C8orf34: variants seen among roughly 807,000 people sequenced by gnomAD.
C8orf34 encodes uncharacterized protein C8orf34.
In C8orf34, 65 loss-of-function variants were observed where a neutral mutation model predicts 68.3. The ratio of observed to expected loss-of-function variants is 0.95; its 90% CI spans 0.78 to 1.17. The LOEUF is 1.17. C8orf34 is among the 50% of genes most tolerant of loss of function. C8orf34 has a pLI of 0.00. For synonymous variants in C8orf34, 244 were observed against 241.2 expected, an observed-to-expected ratio of 1.01 and a Z score of -0.11; for missense variants, 664 against 655.4, an observed-to-expected ratio of 1.01 and a Z score of -0.14.
chr8:68,501,111 T>C (rs2380467), intron 5 of C8orf34, among the ~76,000 whole-genome samples: 47,749 of 152,038 alleles, frequency 0.31, 8,996 homozygotes, highest in Non-Finnish European at 0.43. Flanking sequence ...CTGTGGTCTC[T>C]CCTAAGAGTA....
intron 2 of C8orf34, among the ~76,000 whole-genome samples, chr8:68,440,545 G>A (rs576476321): frequency 1.7e-4 from 26 of 152,120 alleles, no homozygotes; most frequent in Non-Finnish European, 3.7e-4. Context: ...AAAGTTATTT[G>A]CGTCATATAG....
At chr8:68,679,788 G>A (rs529948239) in intron 8 of C8orf34, among the ~76,000 whole-genome samples, 5 of 152,194 alleles carry the variant, frequency 3.3e-5, no homozygotes, top group African/African-American at 1.2e-4. Context: ...CATTTAAAGT[G>A]AACTCGTTTT....
At chr8:68,479,586 G>T (rs923763876) in intron 4 of C8orf34, among the ~76,000 whole-genome samples, 8 of 152,126 alleles carry the variant, frequency 5.3e-5, no homozygotes, top group Non-Finnish European at 8.8e-5. Context: ...TGGGGATGGA[G>T]CCAAAAAAAC....
chr8:68,413,096 A>C (rs2676631), intron 1 of C8orf34, among the ~76,000 whole-genome samples: 151,707 of 152,310 alleles, frequency 1, 75,563 homozygotes, highest in Middle Eastern at 1. Flanking sequence ...ACCTACTATA[A>C]CAACTTGTCT....
intron 8 of C8orf34, among the ~76,000 whole-genome samples, chr8:68,657,942 T>C (rs1007016433): frequency 1.3e-5 from 2 of 152,186 alleles, no homozygotes; most frequent in South Asian, 4.1e-4. Context: ...TCTACTCTGA[T>C]GGTTTTAAAT....
In C8orf34 at chr8:68,622,949, T is replaced by C. The variant is rs1586467213; in HGVS notation, c.1106-17427T>C. Reference sequence around the variant, plus strand: ...TGTGATGGGGTATCTGATGAAATACTGGACTGGTGTTATGGTAAAAGCAGA... The same window carrying C: ...TGTGATGGGGTATCTGATGAAATACCGGACTGGTGTTATGGTAAAAGCAGA... On this transcript the variant is annotated intron_variant, in intron 7 of 13. Coordinates refer to ENST00000518698, the MANE Select transcript of C8orf34 (RefSeq NM_052958.4). 3.9e-5 allele frequency among the ~76,000 whole-genome samples: 6 copies of C among 152,364 alleles called. 1 individual carries two copies. The highest frequency in any genetic ancestry group is 3.9e-4 in the Admixed American group (6 of 15,304).
chr8:68,715,214 A>G (rs1036508675), intron 9 of C8orf34, among the ~76,000 whole-genome samples: 2 of 152,106 alleles, frequency 1.3e-5, no homozygotes, highest in Non-Finnish European at 2.9e-5. Context: ...ACATTAGCTT[A>G]AAGACGTCAT....
chr8:68,667,814 C>G (rs1288568614), intron 8 of C8orf34, among the ~76,000 whole-genome samples: 2 of 152,036 alleles, frequency 1.3e-5, no homozygotes, highest in Non-Finnish European at 2.9e-5. Context: ...AAAAATAAAA[C>G]AGTTCAGGGT....
chr8:68,813,482 A>C (rs1824717734), intron 12 of C8orf34, among the ~76,000 whole-genome samples: 1 of 151,974 alleles, frequency 6.6e-6, no homozygotes, highest in Non-Finnish European at 1.5e-5. Flanking sequence ...AGATCTTTGC[A>C]CCATGCTCTA....
chr8:68,660,148 G>A (rs933231752), intron 8 of C8orf34, among the ~76,000 whole-genome samples: 2 of 152,120 alleles, frequency 1.3e-5, no homozygotes, highest in Non-Finnish European at 2.9e-5. Flanking sequence ...AGAGAGGACA[G>A]AGGAGGAAAA....
intron 7 of C8orf34, among the ~76,000 whole-genome samples, chr8:68,545,565 G>A (rs892041282): frequency 5.9e-5 from 9 of 151,906 alleles, no homozygotes; most frequent in African/African-American, 1.9e-4. Context: ...GAATAACTAC[G>A]GCCAAAACAC....
At chr8:68,652,720 T>A (rs576448873) in intron 8 of C8orf34, among the ~76,000 whole-genome samples, 1 of 152,302 alleles carries the variant, frequency 6.6e-6, no homozygotes, top group East Asian at 1.9e-4. Flanking sequence ...CAGGTTTATC[T>A]TAAGTGCTTT....
intron 7 of C8orf34, among the ~76,000 whole-genome samples, chr8:68,612,375 G>A (rs567164861): frequency 1.3e-5 from 2 of 152,108 alleles, no homozygotes; most frequent in East Asian, 3.9e-4. Flanking sequence ...TAACAAGAAG[G>A]GTAAACAGAA....
chr8:68,424,242 G>A (rs1044411445), intron 1 of C8orf34, among the ~76,000 whole-genome samples: 5 of 152,076 alleles, frequency 3.3e-5, no homozygotes, highest in Non-Finnish European at 5.9e-5. Context: ...GACCAGAATA[G>A]CATTGCAAGG....
intron 1 of C8orf34, among the ~76,000 whole-genome samples, chr8:68,334,988 A>T (rs1486868188): frequency 2.6e-5 from 4 of 151,918 alleles, no homozygotes; most frequent in Non-Finnish European, 5.9e-5. Flanking sequence ...CCATTATTTC[A>T]CTTTATTGAC....
intron 10 of C8orf34, among the ~76,000 whole-genome samples, chr8:68,729,244 G>A (rs1315192493): frequency 6.6e-6 from 1 of 152,114 alleles, no homozygotes; most frequent in East Asian, 1.9e-4. Flanking sequence ...AGTCAGCAGA[G>A]TCCCTCCTGT....
At chr8:68,435,156 T>C (rs1810610213) in intron 1 of C8orf34, among the ~76,000 whole-genome samples, 1 of 149,058 alleles carries the variant, frequency 6.7e-6, no homozygotes, top group Non-Finnish European at 1.5e-5. Flanking sequence ...TTGATAAATA[T>C]TGTAATCATA....
intron 10 of C8orf34, among the ~76,000 whole-genome samples, chr8:68,753,897 C>T (rs1822774733): frequency 6.6e-6 from 1 of 152,044 alleles, no homozygotes; most frequent in Non-Finnish European, 1.5e-5. Context: ...GTGTTCTGCT[C>T]CTGGCCAGGA....
chr8:68,710,764 C>A (rs1821309439), intron 9 of C8orf34, among the ~76,000 whole-genome samples: 1 of 152,172 alleles, frequency 6.6e-6, no homozygotes, highest in Non-Finnish European at 1.5e-5. Context: ...ACCTGAGAAA[C>A]CTGAATACTT....
Sources: gnomAD v4.1 joint callset for allele counts (sites outside exome capture counted in the v4.1 genomes callset) on GRCh38, gnomAD v4.1.1 for gene constraint, MANE v1.5 for transcripts, NCBI Gene and HGNC (gene_info 2026-07-23, HGNC 2026-07-21) for gene names.